TENM2: variants seen among roughly 807,000 people sequenced by gnomAD.
TENM2 encodes the protein teneurin-2.
TENM2 carries 52 observed loss-of-function variants against 245.2 expected under a neutral mutation model. The ratio of observed to expected loss-of-function variants is 0.21; its 90% CI spans 0.17 to 0.27. The LOEUF is 0.27. Ranked by LOEUF, TENM2 falls within the 10% of genes least tolerant of loss-of-function variation. The pLI, the probability that TENM2 is intolerant of heterozygous loss-of-function variation, is 1.00. For missense variants in TENM2, 3,046 were observed against 3,666.8 expected (o/e 0.83, Z 4.37); for synonymous variants, 1,363 against 1,438.9 (o/e 0.95, Z 1.19).
chr5:167,603,798 C>T (rs1027218196), intron 2 of TENM2, among the ~76,000 whole-genome samples: 5 of 152,132 alleles, frequency 3.3e-5, no homozygotes, highest in African/African-American at 1.2e-4. Context: ...ACCTGAATCT[C>T]GAAACCCTGC....
At chr5:167,173,231 A>T in the TENM2 span, among the ~76,000 whole-genome samples, 2 of 152,236 alleles carry the variant, frequency 1.3e-5, no homozygotes, top group African/African-American at 4.8e-5. Flanking sequence ...CCACTTGCAG[A>T]AAACAATCGG....
intron 2 of TENM2, among the ~76,000 whole-genome samples, chr5:167,618,641 G>A (rs1777954756): frequency 1.3e-5 from 2 of 152,066 alleles, no homozygotes; most frequent in African/African-American, 4.8e-5. Context: ...TTGCAAAGCA[G>A]AATAGTTGTC....
At position 168,032,445 on chromosome 5, in the gene TENM2, C is replaced by T. The variant is rs552752862; in HGVS notation, c.1187-14982C>T. ...TCTGGGGTAGTCTGGGCTATGAAGACCCTCTAGGGCTGGGAGAAAGGCAAG... is the reference window on the plus strand; with the variant it reads ...TCTGGGGTAGTCTGGGCTATGAAGATCCTCTAGGGCTGGGAGAAAGGCAAG... On this transcript the variant is annotated intron_variant, in intron 5 of 28. Transcript: ENST00000518659. Among the ~76,000 whole-genome samples, 10 of 152,208 alleles carry T rather than the reference C, an allele frequency of 6.6e-5. No individual in the cohort carries two copies. The East Asian group carries it at 1.9e-3, about 29-fold the overall frequency.
Position 167,742,981 on chromosome 5 carries a change from AAC to A in TENM2, c.503-133003_503-133002del, listed in dbSNP as rs1761294234. Among the ~76,000 whole-genome samples, 19 of 4,600 alleles carry A rather than the reference AAC, an allele frequency of 4.1e-3. No individual in the cohort carries two copies. In the South Asian group the frequency reaches 0.11, roughly 27 times the overall value. The allele number at this position is 4,600 out of a possible 152,430, so 3.0% of individuals were successfully genotyped here. The stretch of plus-strand genomic sequence containing the variant: ...CAGAGTGAGACCTTGTCTTAAAAAC[AAC>A]AACAACAACAACAACAACAACAACA... On this transcript the variant is annotated intron_variant, in intron 2 of 28. Coordinates refer to ENST00000518659, the Ensembl canonical transcript of TENM2.
chr5:168,205,852 A>G (rs556484631), intron 19 of TENM2, among the ~76,000 whole-genome samples: 3 of 152,178 alleles, frequency 2.0e-5, no homozygotes, highest in African/African-American at 7.2e-5. Flanking sequence ...TTTAAAGATG[A>G]CTCTGGCTAT....
chr5:167,596,311 C>T (rs1776205942), intron 2 of TENM2, among the ~76,000 whole-genome samples: 1 of 152,134 alleles, frequency 6.6e-6, no homozygotes, highest in African/African-American at 2.4e-5. Flanking sequence ...GCCCCACAGT[C>T]GGAAGCAGGA....
At chr5:167,394,931 C>G (rs533969881) in intron 2 of TENM2, among the ~76,000 whole-genome samples, 13 of 152,208 alleles carry the variant, frequency 8.5e-5, no homozygotes, top group Admixed American at 3.9e-4. Flanking sequence ...TGTGATGCCT[C>G]CAGCTTTGTT....
Position 167,563,857 on chromosome 5 carries a change from C to T in TENM2, c.502+188384C>T, listed in dbSNP as rs566655237. The stretch of plus-strand genomic sequence containing the variant: ...GTACCGGTTTGAAGCCTGGTAGCAA[C>T]AGGCTATGCCATACAGCTTAGGTGT... On this transcript the variant is annotated intron_variant, in intron 2 of 28. Coordinates refer to ENST00000518659, the Ensembl canonical transcript of TENM2. 3.9e-5 allele frequency among the ~76,000 whole-genome samples: 6 copies of T among 152,320 alleles called. No individual in the cohort carries two copies. In the East Asian group the frequency reaches 1.2e-3, roughly 29 times the overall value.
At chr5:167,643,157 A>G (rs1422248401) in intron 2 of TENM2, among the ~76,000 whole-genome samples, 10 of 152,312 alleles carry the variant, frequency 6.6e-5, no homozygotes, top group African/African-American at 2.2e-4. Flanking sequence ...TGAGGGTAGA[A>G]TTCAATGATT....
At chr5:168,141,944 G>A (rs1362951745) in intron 12 of TENM2, among the ~76,000 whole-genome samples, 1 of 152,172 alleles carries the variant, frequency 6.6e-6, no homozygotes, top group Non-Finnish European at 1.5e-5. Context: ...GCGCTATACT[G>A]GAGCCATCTC....
Position 168,098,967 on chromosome 5 carries a change from C to T in TENM2, c.1813+840C>T, listed in dbSNP as rs527803963. On this transcript the variant is annotated intron_variant, in intron 9 of 28. Transcript: ENST00000518659. ...CACTGTCGCCCAAACTGGAATGCAG[C>T]GGCACGATCTTGGCTCACTGCAATC... Among the ~76,000 whole-genome samples the T allele has an allele frequency of 2.2e-4, 34 of 152,080 alleles. No individual in the cohort carries two copies. The Middle Eastern group carries it at 0.014, about 61-fold the overall frequency.
intron 2 of TENM2, among the ~76,000 whole-genome samples, chr5:167,635,307 G>A (rs1286738532): frequency 6.6e-6 from 1 of 152,028 alleles, no homozygotes; most frequent in South Asian, 2.1e-4. Context: ...TTGTATCTAC[G>A]TAAGACTACT....
chr5:167,952,623 C>G lies in TENM2; in HGVS notation c.748C>G (p.Pro250Ala). ...CCACCACAGCCAGTCGACTCTGAGG[C>G]CCCCTCTCCCACCCCCTCACAACCA... Residue 250 changes from proline to alanine, a missense_variant, in exon 4 of 29, where the codon CCC becomes GCC. Coordinates refer to ENST00000518659, the Ensembl canonical transcript of TENM2. 1.9e-6 allele frequency: 3 copies of G among 1,612,422 alleles called. No individual in the cohort carries two copies. The highest frequency in any genetic ancestry group is 4.5e-5 in the East Asian group (2 of 44,790).
At chr5:167,258,097 G>A in the TENM2 span, among the ~76,000 whole-genome samples, 1 of 151,394 alleles carries the variant, frequency 6.6e-6, no homozygotes, top group South Asian at 2.1e-4. Context: ...GAACATAAAT[G>A]TTTTTCAAAC....
At chr5:167,276,597 CAGGGGAT>C in the TENM2 span, among the ~76,000 whole-genome samples, 1 of 151,948 alleles carries the variant, frequency 6.6e-6, no homozygotes, top group Admixed American at 6.6e-5. Flanking sequence ...TCAGCATCCA[CAGGGGAT>C]TGGTTCCGGG....
chr5:167,971,972 A>T (rs1353584598), intron 4 of TENM2, among the ~76,000 whole-genome samples: 1 of 152,196 alleles, frequency 6.6e-6, no homozygotes, highest in Non-Finnish European at 1.5e-5. Context: ...TTTCCCCAGC[A>T]CCCCTCACTA....
At chr5:167,131,879 A>G in the TENM2 span, among the ~76,000 whole-genome samples, 4 of 151,908 alleles carry the variant, frequency 2.6e-5, no homozygotes, top group South Asian at 2.1e-4. Flanking sequence ...CTGGAGTGCA[A>G]TGGTGCGATC....
chr5:167,589,199 CA>C (rs5873047), intron 2 of TENM2, among the ~76,000 whole-genome samples: 93 of 139,174 alleles, frequency 6.7e-4, no homozygotes, highest in African/African-American at 1.5e-3. Flanking sequence ...GAGGCTGTCT[CA>C]AAAAAAAAAA....
At chr5:167,529,588 T>C (rs1771358905) in intron 2 of TENM2, among the ~76,000 whole-genome samples, 1 of 152,084 alleles carries the variant, frequency 6.6e-6, no homozygotes, top group Non-Finnish European at 1.5e-5. Flanking sequence ...AAATACAGAG[T>C]GAGCTGAGAT....
Sources: gnomAD v4.1 joint callset for allele counts (sites outside exome capture counted in the v4.1 genomes callset) on GRCh38, gnomAD v4.1.1 for gene constraint, MANE v1.5 for transcripts, NCBI Gene and HGNC (gene_info 2026-07-23, HGNC 2026-07-21) for gene names.